Variants in SLC35F4 observed in about 807,000 individuals in gnomAD.
SLC35F4 encodes the protein solute carrier family 35 member F4.
A neutral mutation model predicts 44.2 loss-of-function variants in SLC35F4; 24 were observed. The ratio of observed to expected loss-of-function variants is 0.54; its 90% CI spans 0.39 to 0.76. SLC35F4 has a LOEUF of 0.76. Among genes scored for constraint, SLC35F4 ranks in the 30% least tolerant of loss-of-function variants. SLC35F4 has a pLI of 0.00. For synonymous variants in SLC35F4, 238 were observed against 223.6 expected, an observed-to-expected ratio of 1.06 and a Z score of -0.57; for missense variants, 562 against 586.1, an observed-to-expected ratio of 0.96 and a Z score of 0.42.
intron 1 of SLC35F4, among the ~76,000 whole-genome samples, chr14:57,729,414 T>C (rs898744579): frequency 1.3e-5 from 2 of 152,208 alleles, no homozygotes; most frequent in Non-Finnish European, 1.5e-5. Flanking sequence ...GGTATTGCTG[T>C]TAGCTATTCA....
At chr14:57,906,284 A>G (rs932647638) in intron 1 of SLC35F4, among the ~76,000 whole-genome samples, 2 of 152,238 alleles carry the variant, frequency 1.3e-5, no homozygotes, top group Non-Finnish European at 2.9e-5. Flanking sequence ...CTTTTCTGAG[A>G]CTGTGCAGCC....
At chr14:57,944,685 A>G (rs1889977833) in intron 1 of SLC35F4, among the ~76,000 whole-genome samples, 1 of 131,908 alleles carries the variant, frequency 7.6e-6, no homozygotes, top group East Asian at 2.1e-4. Context: ...GAAAAAGAAA[A>G]GAAAGAAAGA....
chr14:57,746,538 G>GGTATACA, intron 1 of SLC35F4, among the ~76,000 whole-genome samples: 1 of 151,986 alleles, frequency 6.6e-6, no homozygotes, highest in Admixed American at 6.6e-5. Flanking sequence ...ATACATTGCT[G>GGTATACA]TATTCAATTT....
At chr14:57,675,901 T>C (rs1280386439) in intron 1 of SLC35F4, among the ~76,000 whole-genome samples, 4 of 152,044 alleles carry the variant, frequency 2.6e-5, no homozygotes, top group Admixed American at 6.6e-5. Context: ...CTTCTAGACA[T>C]TGGCTTAGGC....
chr14:57,829,346 G>A (rs1336403030), intron 1 of SLC35F4, among the ~76,000 whole-genome samples: 6 of 152,188 alleles, frequency 3.9e-5, no homozygotes, highest in Non-Finnish European at 7.3e-5. Flanking sequence ...ACTATGCAGA[G>A]ATGTAGTTCA....
chr14:57,944,442 A>G (rs1261487081), intron 1 of SLC35F4, among the ~76,000 whole-genome samples: 2 of 152,002 alleles, frequency 1.3e-5, no homozygotes, highest in Non-Finnish European at 2.9e-5. Context: ...AAAAAAGAGC[A>G]TTTACCGCTT....
chr14:57,916,475 C>G (rs1889331812), intron 1 of SLC35F4, among the ~76,000 whole-genome samples: 1 of 152,098 alleles, frequency 6.6e-6, no homozygotes, highest in Non-Finnish European at 1.5e-5. Context: ...GGTATCTATC[C>G]TGCCTGGTGT....
At chr14:57,575,072 T>G (rs2068711943) in intron 4 of SLC35F4, among the ~76,000 whole-genome samples, 1 of 152,160 alleles carries the variant, frequency 6.6e-6, no homozygotes, top group Non-Finnish European at 1.5e-5. Context: ...GAGGAATTCT[T>G]CTGCTGAAAA....
chr14:57,710,956 G>T (rs2075803605), intron 1 of SLC35F4, among the ~76,000 whole-genome samples: 1 of 152,068 alleles, frequency 6.6e-6, no homozygotes, highest in South Asian at 2.1e-4. Context: ...AAGACTTCGG[G>T]GGACTGTTGG....
intron 1 of SLC35F4, among the ~76,000 whole-genome samples, chr14:57,710,989 A>ATGTGAG (rs1211634101): frequency 6.6e-6 from 1 of 152,066 alleles, no homozygotes; most frequent in Non-Finnish European, 1.5e-5. Flanking sequence ...GTGTTTTGAA[A>ATGTGAG]TGTGAGGATA....
At chr14:57,607,702 T>C (rs910841334) in intron 1 of SLC35F4, among the ~76,000 whole-genome samples, 3 of 152,188 alleles carry the variant, frequency 2.0e-5, no homozygotes, top group African/African-American at 7.2e-5. Flanking sequence ...TTTTAGAAGA[T>C]CACTGTGTAA....
chr14:57,721,640 A>C (rs1003217574), intron 1 of SLC35F4, among the ~76,000 whole-genome samples: 5 of 152,220 alleles, frequency 3.3e-5, no homozygotes, highest in African/African-American at 1.2e-4. Context: ...AAGTGAAGAA[A>C]ATTGGAAAAG....
intron 1 of SLC35F4, among the ~76,000 whole-genome samples, chr14:57,738,785 A>G (rs2076530348): frequency 9.9e-6 from 1 of 100,558 alleles, no homozygotes; most frequent in Non-Finnish European, 2.0e-5. Context: ...ATATATATAT[A>G]TAGGCTTCAT....
intron 1 of SLC35F4, among the ~76,000 whole-genome samples, chr14:57,934,922 TG>T (rs1566504319): frequency 6.6e-6 from 1 of 152,198 alleles, no homozygotes; most frequent in Admixed American, 6.5e-5. Flanking sequence ...GAAGACAGCT[TG>T]GATCTGCAGC....
At chr14:57,912,557 T>G (rs1028277381) in intron 1 of SLC35F4, among the ~76,000 whole-genome samples, 1 of 152,024 alleles carries the variant, frequency 6.6e-6, no homozygotes, top group African/African-American at 2.4e-5. Context: ...ATGTTTAACC[T>G]CTAAATATTT....
At chr14:57,873,037 C>T (rs996256749) in intron 1 of SLC35F4, among the ~76,000 whole-genome samples, 1 of 152,180 alleles carries the variant, frequency 6.6e-6, no homozygotes, top group Non-Finnish European at 1.5e-5. Context: ...TGGATATCAG[C>T]AGCTGTAACA....
At chr14:57,621,970 A>G (rs1271878061) in intron 1 of SLC35F4, among the ~76,000 whole-genome samples, 1 of 151,328 alleles carries the variant, frequency 6.6e-6, no homozygotes, top group Non-Finnish European at 1.5e-5. Context: ...CAAATTTACA[A>G]GAAAAAAACA....
intron 1 of SLC35F4, among the ~76,000 whole-genome samples, chr14:57,757,315 G>A (rs1003096364): frequency 1.3e-5 from 2 of 152,106 alleles, no homozygotes; most frequent in African/African-American, 4.8e-5. Flanking sequence ...TCCTGTAACA[G>A]CATTATATTT....
chr14:57,576,402 G>C (rs1042426566), intron 4 of SLC35F4, among the ~76,000 whole-genome samples: 6 of 152,146 alleles, frequency 3.9e-5, no homozygotes, highest in Non-Finnish European at 7.3e-5. Flanking sequence ...GGCAGCTGCT[G>C]TGCTCAAGTT....
Sources: allele counts gnomAD v4.1 joint callset (sites outside exome capture counted in the v4.1 genomes callset), GRCh38; gene constraint gnomAD v4.1.1; transcripts MANE v1.5; gene names NCBI Gene and HGNC (gene_info 2026-07-23, HGNC 2026-07-21).